The following GLIPR1L2 variants were observed in gnomAD, a reference collection of about 807,000 sequenced individuals.
GLIPR1L2 encodes the protein GLIPR1 like 2.
GLIPR1L2 carries 21 observed loss-of-function variants against 28.4 expected under a neutral mutation model. That is an observed-to-expected ratio of 0.74 (90% CI 0.52 to 1.06). The LOEUF (loss-of-function observed/expected upper bound fraction) is 1.06. GLIPR1L2 is among the 50% of genes least tolerant of loss of function. The pLI, the probability that GLIPR1L2 is intolerant of heterozygous loss-of-function variation, is 0.00. For synonymous variants in GLIPR1L2, 145 were observed against 139.3 expected, an observed-to-expected ratio of 1.04 and a Z score of -0.29; for missense variants, 476 against 416.9, an observed-to-expected ratio of 1.14 and a Z score of -1.23.
At chr12:75,423,224 A>G in intron 4 of GLIPR1L2, 1 of 1,352,618 alleles carries the variant, frequency 7.4e-7, no homozygotes, top group Non-Finnish European at 9.4e-7. Context: ...CCAGAGTGTC[A>G]GAAAGAAAGA....
rs560849955 is a variant in GLIPR1L2 at position 75,415,497 on chromosome 12, A to G, written c.584+1796A>G. Among the ~76,000 whole-genome samples the G allele has an allele frequency of 1.2e-4, 18 of 152,258 alleles. No homozygotes were observed. In the South Asian group the frequency reaches 3.7e-3, roughly 32 times the overall value. On this transcript the variant is annotated intron_variant, in intron 3 of 5. Transcript: ENST00000550916. Reference sequence around the variant, plus strand: ...TACCACAAATGTAGTGATTTAAAGCAGCAACATTTATTATCAAACAGTTCT... The same window carrying G: ...TACCACAAATGTAGTGATTTAAAGCGGCAACATTTATTATCAAACAGTTCT...
intron 3 of GLIPR1L2, among the ~76,000 whole-genome samples, chr12:75,417,520 T>C (rs1909970): frequency 0.35 from 52,980 of 151,998 alleles, 9,591 homozygotes; most frequent in East Asian, 0.46. Context: ...TAAAACAGAC[T>C]TGGCCATGCA....
At chr12:75,410,735 G>A in intron 2 of GLIPR1L2, 56 bp downstream of exon 2, 5 of 1,272,370 alleles carry the variant, frequency 3.9e-6, no homozygotes, top group South Asian at 1.6e-5. Context: ...ATTTATGCCT[G>A]GTTTTATTAT....
intron 3 of GLIPR1L2, among the ~76,000 whole-genome samples, chr12:75,414,184 C>T (rs1032221225): frequency 6.6e-6 from 1 of 151,986 alleles, no homozygotes; most frequent in Non-Finnish European, 1.5e-5. Flanking sequence ...AAAAGCACTT[C>T]AAACATCTTT....
chr12:75,391,609 C>A, intron 1 of GLIPR1L2: 1 of 1,154,322 alleles, frequency 8.7e-7, no homozygotes, highest in Non-Finnish European at 1.2e-6. Flanking sequence ...TTTAAGGGGG[C>A]GCCAATTCAA....
rs749833565 is a variant in GLIPR1L2 at position 75,391,287 on chromosome 12, C to T, written c.171C>T (p.Tyr57=). 4 of 1,614,200 alleles carry T rather than the reference C, an allele frequency of 2.5e-6. No homozygotes were observed. The highest frequency in any genetic ancestry group is 8.5e-7 in the Non-Finnish European group (1 of 1,180,030). ...AGGACGTAGACTTTATCAACGAGTA[C>T]GTGAACCTCCACAATGAGCTGCGGG... The part of the protein sequence containing the change: ...DEEDVDFINE[Y]VNLHNELRGD... The change falls in exon 1 of 6, where the codon TAC becomes TAT. Residue 57 remains tyrosine, a synonymous_variant. Coordinates refer to ENST00000550916, the MANE Select transcript of GLIPR1L2 (RefSeq NM_001270396.2).
intron 1 of GLIPR1L2, among the ~76,000 whole-genome samples, chr12:75,400,351 T>A (rs761001301): frequency 1.3e-5 from 2 of 152,152 alleles, no homozygotes; most frequent in Non-Finnish European, 2.9e-5. Flanking sequence ...CTCAATCTCC[T>A]GACCTCGTGA....
In GLIPR1L2 at chr12:75,431,324, T is replaced by C; in HGVS notation, c.*163T>C. 2.0e-6 allele frequency: 1 copy of C among 494,268 alleles called. No homozygotes were observed. The highest frequency in any genetic ancestry group is 3.7e-5 in the Admixed American group (1 of 26,770). The allele number at this position is 494,268 out of a possible 1,614,324, so 30.6% of individuals were successfully genotyped here. A position where few individuals can be genotyped will look rare whatever the true frequency, so the allele number is the denominator to read the frequency against. On this transcript the variant is annotated 3_prime_UTR_variant, in exon 6 of 6. Coordinates refer to ENST00000550916, the MANE Select transcript of GLIPR1L2 (RefSeq NM_001270396.2). The stretch of plus-strand genomic sequence containing the variant: ...TTATTCCCTTCTCTCCTATACTTAT[T>C]CAATCAATTTAAATTTGTAAAACAA...
At chr12:75,410,004 T>G (rs1174879003) in intron 1 of GLIPR1L2, among the ~76,000 whole-genome samples, 1 of 151,306 alleles carries the variant, frequency 6.6e-6, no homozygotes, top group African/African-American at 2.4e-5. Context: ...TTATGCTGAC[T>G]TAGCATTTTA....
At position 75,391,257 on chromosome 12, in the gene GLIPR1L2, C is replaced by T. The variant is rs147955741; in HGVS notation, c.141C>T (p.Asp47=). 3.9e-4 allele frequency: 631 copies of T among 1,614,066 alleles called. No homozygotes were observed. The highest frequency in any genetic ancestry group is 5.1e-4 in the Non-Finnish European group (606 of 1,180,028). ...GSSLNARFLP[D]EEDVDFINEY... ...GTTTGAACGCCAGATTTTTGCCAGA[C>T]GAGGAGGACGTAGACTTTATCAACG... The change falls in exon 1 of 6, where the codon GAC becomes GAT. Residue 47 remains aspartate, a synonymous_variant. Transcript: ENST00000550916.
At chr12:75,427,435 G>T (rs1294296468) in intron 4 of GLIPR1L2, among the ~76,000 whole-genome samples, 1 of 152,078 alleles carries the variant, frequency 6.6e-6, no homozygotes, top group African/African-American at 2.4e-5. Context: ...AAGCGCAAAA[G>T]GCTAAAATAA....
intron 1 of GLIPR1L2, among the ~76,000 whole-genome samples, chr12:75,398,699 T>G (rs1001897266): frequency 6.6e-6 from 1 of 152,194 alleles, no homozygotes; most frequent in Non-Finnish European, 1.5e-5. Context: ...CAATTTTTAA[T>G]TTAATATTAC....
At chr12:75,429,965 C>G (rs1251953958) in intron 4 of GLIPR1L2, among the ~76,000 whole-genome samples, 1 of 124,060 alleles carries the variant, frequency 8.1e-6, no homozygotes, top group African/African-American at 2.9e-5. Flanking sequence ...GAGACAGAGT[C>G]TTGCTCTGTC....
intron 1 of GLIPR1L2, among the ~76,000 whole-genome samples, chr12:75,397,346 A>G (rs1566063527): frequency 6.6e-6 from 1 of 151,818 alleles, no homozygotes; most frequent in Non-Finnish European, 1.5e-5. Flanking sequence ...TTTAAACATA[A>G]TTATTTTATA....
Position 75,423,019 on chromosome 12 carries a change from A to C in GLIPR1L2, c.670+30A>C. On this transcript the variant is annotated intron_variant, in intron 4 of 5. Transcript: ENST00000550916. ...GATAAAGAAAATAAACATGAAAAAAATGCATAATGGATTGGACAAGAAAAA... is the reference window on the plus strand; with the variant it reads ...GATAAAGAAAATAAACATGAAAAAACTGCATAATGGATTGGACAAGAAAAA... The C allele has an allele frequency of 4.4e-6, 7 of 1,602,952 alleles. No individual in the cohort carries two copies. In the South Asian group the frequency reaches 7.8e-5, roughly 18 times the overall value.
intron 3 of GLIPR1L2, among the ~76,000 whole-genome samples, chr12:75,418,343 A>G (rs2045943658): frequency 6.6e-6 from 1 of 152,206 alleles, no homozygotes; most frequent in Non-Finnish European, 1.5e-5. Flanking sequence ...TAAACATTAA[A>G]AAGTGAAGTC....
intron 1 of GLIPR1L2, among the ~76,000 whole-genome samples, chr12:75,394,778 A>C (rs889068653): frequency 2.6e-5 from 4 of 151,070 alleles, no homozygotes; most frequent in Non-Finnish European, 5.9e-5. Context: ...AAAAAAAAAA[A>C]AAAAAACATT....
At chr12:75,395,492 T>G (rs1049051742) in intron 1 of GLIPR1L2, among the ~76,000 whole-genome samples, 4 of 151,950 alleles carry the variant, frequency 2.6e-5, no homozygotes, top group African/African-American at 7.2e-5. Flanking sequence ...TCTTCATTTT[T>G]GGGGAAGAGT....
intron 1 of GLIPR1L2, 66 bp from the exon 2 acceptor site, chr12:75,410,366 AAG>A (rs1479810866): frequency 7.2e-7 from 1 of 1,388,568 alleles, no homozygotes; most frequent in Non-Finnish European, 9.6e-7. Flanking sequence ...ATGATAACTC[AAG>A]AAAAAATATT....
Sources: allele counts gnomAD v4.1 joint callset (sites outside exome capture counted in the v4.1 genomes callset), GRCh38; gene constraint gnomAD v4.1.1; transcripts MANE v1.5; gene names NCBI Gene and HGNC (gene_info 2026-07-23, HGNC 2026-07-21).